KANK1: variants seen among roughly 807,000 people sequenced by gnomAD.
KANK1 encodes the protein KN motif and ankyrin repeat domains 1, also known as KN motif and ankyrin repeat domain-containing protein 1.
Under a neutral mutation model 106.2 loss-of-function variants are expected in KANK1, and 109 were observed. The ratio of observed to expected loss-of-function variants is 1.03; its 90% CI spans 0.88 to 1.20. The LOEUF (loss-of-function observed/expected upper bound fraction) is 1.20. Among genes scored for constraint, KANK1 ranks in the 50% most tolerant of loss-of-function variants. The pLI is 0.00. For missense variants in KANK1, 2,399 were observed against 1,710.7 expected, an observed-to-expected ratio of 1.40 and a Z score of -7.10; for synonymous variants, 873 against 652.2, an observed-to-expected ratio of 1.34 and a Z score of -5.16.
chr9:606,425 G>A (rs1171004290), intron 1 of KANK1, among the ~76,000 whole-genome samples: 3 of 146,684 alleles, frequency 2.0e-5, no homozygotes, highest in Admixed American at 6.7e-5. Context: ...GTGTGGTGGT[G>A]CATGCCTGTA....
At chr9:687,037 T>G (rs1001629791) in intron 2 of KANK1, 17 of 579,868 alleles carry the variant, frequency 2.9e-5, no homozygotes, top group Non-Finnish European at 2.0e-5. Flanking sequence ...TTTCTTTTCT[T>G]TTTTTTTAAT....
intron 1 of KANK1, among the ~76,000 whole-genome samples, chr9:508,799 C>T (rs1368598771): frequency 1.4e-5 from 2 of 146,250 alleles, no homozygotes; most frequent in African/African-American, 5.6e-5. Flanking sequence ...GTTTGAGGGG[C>T]ATTTACATAG....
chr9:658,786 C>T (rs148095256), intron 1 of KANK1, among the ~76,000 whole-genome samples: 5 of 152,224 alleles, frequency 3.3e-5, no homozygotes, highest in African/African-American at 4.8e-5. Flanking sequence ...TGTCAAAAAT[C>T]GCATAGGCAC....
chr9:595,136 C>T (rs974414167), intron 1 of KANK1, among the ~76,000 whole-genome samples: 3 of 151,770 alleles, frequency 2.0e-5, no homozygotes, highest in Non-Finnish European at 2.9e-5. Context: ...AACGATGGCC[C>T]GGCATGGTGG....
intron 1 of KANK1, among the ~76,000 whole-genome samples, chr9:523,396 A>T (rs1274136640): frequency 6.6e-6 from 1 of 151,696 alleles, no homozygotes. Flanking sequence ...CACTGCCACC[A>T]TCCTCTCTCA....
intron 1 of KANK1, among the ~76,000 whole-genome samples, chr9:584,679 A>G (rs1823013631): frequency 6.6e-6 from 1 of 152,204 alleles, no homozygotes; most frequent in Non-Finnish European, 1.5e-5. Flanking sequence ...TAGGGAACCA[A>G]AACCAGGCAT....
chr9:691,402 GTGTA>G (rs1479650851), intron 2 of KANK1, among the ~76,000 whole-genome samples: 1 of 149,718 alleles, frequency 6.7e-6, no homozygotes, highest in Non-Finnish European at 1.5e-5. Context: ...ATGTGTGTGT[GTGTA>G]TATATATATA....
intron 1 of KANK1, among the ~76,000 whole-genome samples, chr9:671,381 C>G (rs1244754566): frequency 6.6e-6 from 1 of 151,800 alleles, no homozygotes; most frequent in East Asian, 1.9e-4. Flanking sequence ...CGCGGTGGCT[C>G]ACACCTGTAA....
At chr9:579,725 G>T (rs987933896) in intron 1 of KANK1, among the ~76,000 whole-genome samples, 1 of 152,128 alleles carries the variant, frequency 6.6e-6, no homozygotes, top group Non-Finnish European at 1.5e-5. Flanking sequence ...CCAAAGAGAG[G>T]AGTAGCTTGC....
At chr9:579,915 T>C (rs1821589931) in intron 1 of KANK1, among the ~76,000 whole-genome samples, 1 of 152,120 alleles carries the variant, frequency 6.6e-6, no homozygotes, top group South Asian at 2.1e-4. Flanking sequence ...CTAATATGAC[T>C]CCACCCCATG....
intron 1 of KANK1, among the ~76,000 whole-genome samples, chr9:535,938 C>T (rs1021605007): frequency 1.2e-4 from 18 of 152,172 alleles, no homozygotes; most frequent in Admixed American, 1.1e-3. Flanking sequence ...AATTCCAAAA[C>T]CACTTCCACA....
intron 1 of KANK1, among the ~76,000 whole-genome samples, chr9:631,864 G>A (rs191612664): frequency 6.6e-6 from 1 of 152,138 alleles, no homozygotes; most frequent in Non-Finnish European, 1.5e-5. Flanking sequence ...TTCAGGGGTG[G>A]TGTCCTCAGA....
At chr9:515,449 G>GT (rs941666403) in intron 1 of KANK1, among the ~76,000 whole-genome samples, 17 of 151,402 alleles carry the variant, frequency 1.1e-4, no homozygotes, top group East Asian at 9.7e-4. Flanking sequence ...CATTTATTGT[G>GT]TTTTTTTGTT....
Position 711,876 on chromosome 9 carries a change from T to TA in KANK1, c.1111dup (p.Thr371AsnfsTer17), listed in dbSNP as rs1826206597. 1 of 1,614,180 alleles carries TA rather than the reference T, an allele frequency of 6.2e-7. No homozygotes were observed. The highest frequency in any genetic ancestry group is 1.1e-5 in the South Asian group (1 of 91,084). The stretch of plus-strand genomic sequence containing the variant: ...AGAGGATAAAGGAGTTCCGGCAACT[T>TA]ACAGCAGACATGCAAGCCCTGGAGC... On this transcript the variant is annotated frameshift_variant, in exon 3 of 12. Coordinates refer to ENST00000382297, the MANE Select transcript of KANK1 (RefSeq NM_015158.5). LOFTEE classifies it high-confidence loss of function.
chr9:517,740 T>A lies in KANK1; in HGVS notation c.-84+12986T>A, dbSNP rs1370600965. ...CGAGTAATAAGACCTTGAGGATTCT[T>A]TTTTTTTTTTTTTTTTGAGACAGAG... On this transcript the variant is annotated intron_variant, in intron 1 of 11. Coordinates refer to ENST00000382297, the MANE Select transcript of KANK1 (RefSeq NM_015158.5). 7.4e-3 allele frequency among the ~76,000 whole-genome samples: 46 copies of A among 6,258 alleles called. No individual in the cohort carries two copies. The East Asian group carries it at 0.43, about 59-fold the overall frequency. 4.1% of individuals were successfully genotyped at this position (6,258 alleles called of 152,430 possible).
At chr9:584,785 G>A (rs1344832684) in intron 1 of KANK1, among the ~76,000 whole-genome samples, 1 of 152,196 alleles carries the variant, frequency 6.6e-6, no homozygotes, top group East Asian at 1.9e-4. Context: ...GACAGGTGAG[G>A]ACCAAGGGAA....
rs548527272 is a variant in KANK1 at position 554,971 on chromosome 9, A to G, written c.-84+50217A>G. ...GTGAAGTCTACTAATTCAAATGCTG[A>G]TCTCTTCTTGGCACACCCAGAAGTA... On this transcript the variant is annotated intron_variant, in intron 1 of 11. Transcript: ENST00000382297. 3.9e-5 allele frequency among the ~76,000 whole-genome samples: 6 copies of G among 152,258 alleles called. No homozygotes were observed. In the South Asian group the frequency reaches 1.2e-3, roughly 32 times the overall value.
chr9:518,187 A>G (rs2059378369), intron 1 of KANK1, among the ~76,000 whole-genome samples: 1 of 151,836 alleles, frequency 6.6e-6, no homozygotes, highest in Non-Finnish European at 1.5e-5. Context: ...TAGTTTGTGA[A>G]TCATTTTCTT....
At chr9:639,282 T>G (rs559642123) in intron 1 of KANK1, among the ~76,000 whole-genome samples, 4 of 152,296 alleles carry the variant, frequency 2.6e-5, no homozygotes, top group Non-Finnish European at 5.9e-5. Flanking sequence ...GTTCACTTTC[T>G]TTTCACATGG....
Sources: allele counts gnomAD v4.1 joint callset (sites outside exome capture counted in the v4.1 genomes callset), GRCh38; gene constraint gnomAD v4.1.1; transcripts MANE v1.5; gene names NCBI Gene and HGNC (gene_info 2026-07-23, HGNC 2026-07-21).